GRM7: variants seen among roughly 807,000 people sequenced by gnomAD.
GRM7 encodes glutamate metabotropic receptor 7.
GRM7 carries 35 observed loss-of-function variants against 84.5 expected under a neutral mutation model. The observed-to-expected ratio is 0.41, with a 90% CI of 0.32 to 0.55. GRM7 has a LOEUF of 0.55. Among genes scored for constraint, GRM7 ranks in the 20% least tolerant of loss-of-function variants. GRM7 has a pLI of 0.19. For synonymous variants in GRM7, 487 were observed against 455.1 expected, an observed-to-expected ratio of 1.07 and a Z score of -0.89; for missense variants, 1,003 against 1,194.6, an observed-to-expected ratio of 0.84 and a Z score of 2.36.
intron 1 of GRM7, among the ~76,000 whole-genome samples, chr3:7,023,749 G>T (rs1046288205): frequency 1.3e-5 from 2 of 152,200 alleles, no homozygotes; most frequent in African/African-American, 4.8e-5. Flanking sequence ...TCTCTCTAAA[G>T]ACCCATCTTA....
intron 4 of GRM7, among the ~76,000 whole-genome samples, chr3:7,387,652 AT>A (rs1694837517): frequency 6.6e-6 from 1 of 151,930 alleles, no homozygotes; most frequent in African/African-American, 2.4e-5. Context: ...CTAAGTGTTT[AT>A]TTTTGTACCA....
At chr3:7,532,892 A>T (rs1057217346) in intron 7 of GRM7, among the ~76,000 whole-genome samples, 1 of 148,344 alleles carries the variant, frequency 6.7e-6, no homozygotes, top group Non-Finnish European at 1.5e-5. Flanking sequence ...AAAAAAAAAG[A>T]CAAAGAATGG....
chr3:6,963,857 C>T (rs1474207898), intron 1 of GRM7, among the ~76,000 whole-genome samples: 15 of 152,068 alleles, frequency 9.9e-5, no homozygotes, highest in South Asian at 2.1e-4. Context: ...TTATTTTTTT[C>T]GTCTCCACTC....
At chr3:7,210,003 C>T (rs1056646903) in intron 2 of GRM7, among the ~76,000 whole-genome samples, 1 of 152,176 alleles carries the variant, frequency 6.6e-6, no homozygotes, top group Non-Finnish European at 1.5e-5. Context: ...CATGTACTAA[C>T]TCATTACCAT....
intron 1 of GRM7, among the ~76,000 whole-genome samples, chr3:7,058,134 C>T (rs368139661): frequency 1.9e-4 from 29 of 151,892 alleles, no homozygotes; most frequent in East Asian, 9.7e-4. Context: ...AACAGACTTT[C>T]GGCCTATTTG....
At chr3:7,413,410 T>G (rs1368863623) in intron 4 of GRM7, among the ~76,000 whole-genome samples, 1 of 152,222 alleles carries the variant, frequency 6.6e-6, no homozygotes, top group Non-Finnish European at 1.5e-5. Context: ...ATTTATTTTT[T>G]GCCCTAGCTA....
chr3:7,082,086 G>A (rs7634468), intron 1 of GRM7, among the ~76,000 whole-genome samples: 1 of 151,828 alleles, frequency 6.6e-6, no homozygotes, highest in Non-Finnish European at 1.5e-5. Context: ...GGAAGATGAC[G>A]ACACTAAACA....
At chr3:6,970,785 C>G (rs1016145920) in intron 1 of GRM7, among the ~76,000 whole-genome samples, 4 of 152,154 alleles carry the variant, frequency 2.6e-5, no homozygotes, top group African/African-American at 9.7e-5. Flanking sequence ...CGAGACCATC[C>G]TGGCTAACAC....
chr3:7,042,640 TG>T (rs781077563), intron 1 of GRM7, among the ~76,000 whole-genome samples: 5 of 151,288 alleles, frequency 3.3e-5, no homozygotes, highest in Non-Finnish European at 5.9e-5. Flanking sequence ...TTTTTTTCTT[TG>T]GCATTTTAGT....
At position 7,404,699 on chromosome 3, in the gene GRM7, C is replaced by A. The variant is rs533065753; in HGVS notation, c.1034-10324C>A. Among the ~76,000 whole-genome samples the A allele has an allele frequency of 2.0e-5, 3 of 152,160 alleles. No homozygotes were observed. The South Asian group carries it at 6.2e-4, about 32-fold the overall frequency. ...AACAACTGTGTGTTCCAGATACTGT[C>A]CCTTTAAGATCTTGTCCATCTCTTC... On this transcript the variant is annotated intron_variant, in intron 4 of 9. Coordinates refer to ENST00000357716, the MANE Select transcript of GRM7 (RefSeq NM_000844.4).
At chr3:7,029,052 C>CCAGTATTTTG (rs1463311167) in intron 1 of GRM7, among the ~76,000 whole-genome samples, 1 of 151,974 alleles carries the variant, frequency 6.6e-6, no homozygotes, top group East Asian at 1.9e-4. Context: ...GCCTATAATC[C>CCAGTATTTTG]CAGTATTTTG....
At chr3:7,638,090 G>A (rs903286947) in intron 8 of GRM7, among the ~76,000 whole-genome samples, 1 of 152,148 alleles carries the variant, frequency 6.6e-6, no homozygotes, top group African/African-American at 2.4e-5. Context: ...CCTGGGTTAT[G>A]AGTTCAACAA....
chr3:6,980,517 A>T (rs553049745), intron 1 of GRM7, among the ~76,000 whole-genome samples: 2 of 152,302 alleles, frequency 1.3e-5, no homozygotes, highest in Admixed American at 6.5e-5. Flanking sequence ...GTGAAATCCA[A>T]TTAAACTAGT....
intron 1 of GRM7, among the ~76,000 whole-genome samples, chr3:7,047,462 C>T (rs530715955): frequency 2.4e-4 from 37 of 152,210 alleles, no homozygotes; most frequent in African/African-American, 8.7e-4. Context: ...CACCATCTCT[C>T]TCACCAGTGG....
chr3:7,537,257 TTTTA>T (rs1559387791), intron 7 of GRM7, among the ~76,000 whole-genome samples: 1 of 152,180 alleles, frequency 6.6e-6, no homozygotes, highest in Admixed American at 6.5e-5. Flanking sequence ...CTTTCCTCCC[TTTTA>T]TTTATTTATT....
Position 7,417,070 on chromosome 3 carries a change from T to TA in GRM7, c.1174+1907_1174+1908insA, listed in dbSNP as rs138090465. ...TTTTATGTGGAGCCATGCTTCAGGC[T>TA]GATCATTGAGAATTTGGGCTTATAC... On this transcript the variant is annotated intron_variant, in intron 5 of 9. Transcript: ENST00000357716. Among the ~76,000 whole-genome samples, 1,231 of 152,254 alleles carry TA rather than the reference T, an allele frequency of 8.1e-3. 7 individuals carry two copies. The highest frequency in any genetic ancestry group is 0.025 in the African/African-American group (1,033 of 41,556).
At chr3:7,405,354 A>G (rs1695628878) in intron 4 of GRM7, among the ~76,000 whole-genome samples, 1 of 152,152 alleles carries the variant, frequency 6.6e-6, no homozygotes, top group Non-Finnish European at 1.5e-5. Flanking sequence ...ATTTATTTTT[A>G]TAATTGACAC....
At chr3:7,450,422 A>G (rs1305740071) in intron 5 of GRM7, among the ~76,000 whole-genome samples, 1 of 152,116 alleles carries the variant, frequency 6.6e-6, no homozygotes, top group Non-Finnish European at 1.5e-5. Context: ...AAACTCCTCC[A>G]CTTCTCAAAA....
chr3:7,597,760 A>G (rs1196033662), intron 8 of GRM7, among the ~76,000 whole-genome samples: 1 of 152,202 alleles, frequency 6.6e-6, no homozygotes, highest in Non-Finnish European at 1.5e-5. Context: ...GACAATTAGA[A>G]GTTAGAATTA....
Sources: allele counts gnomAD v4.1 joint callset (sites outside exome capture counted in the v4.1 genomes callset), GRCh38; gene constraint gnomAD v4.1.1; transcripts MANE v1.5; gene names NCBI Gene and HGNC (gene_info 2026-07-23, HGNC 2026-07-21).